Variants in CHD5 observed in about 807,000 individuals in gnomAD.
CHD5 encodes the protein ATP-dependent chromatin remodeler CHD5.
Under a neutral mutation model 230.3 loss-of-function variants are expected in CHD5, and 69 were observed. The observed-to-expected ratio is 0.30, with a 90% CI of 0.25 to 0.37. The LOEUF is 0.37. Among genes scored for constraint, CHD5 ranks in the 10% least tolerant of loss-of-function variants. The pLI is 1.00. For missense variants in CHD5, 1,827 were observed against 2,622.8 expected (o/e 0.70, Z 6.63); for synonymous variants, 1,064 against 1,065.9 (o/e 1.00, Z 0.03).
At position 6,128,277 on chromosome 1, in the gene CHD5, C is replaced by G; in HGVS notation, c.3731-59G>C. The G allele has an allele frequency of 6.5e-7, 1 of 1,545,674 alleles. No individual in the cohort carries two copies. Among genetic ancestry groups the G allele is most frequent in the South Asian group, 1.2e-5 (1 of 85,964 alleles). ...GACTGCCCTGGTCCAGCCCCGGGGT[C>G]CCAGGAACAGACTCCCAACAATGGC... On this transcript the variant is annotated intron_variant, in intron 24 of 41. Transcript: ENST00000262450. This position sits in a 1 kb window ranked among gnomAD's most constrained non-coding sequence, Gnocchi z 7.8.
chr1:6,146,913 G>GCT lies in CHD5; in HGVS notation c.1384-43_1384-42insAG. ...GTCCCCAAGGTGGGGCTCAGCTGCA[G>GCT]GGCCCCACCCTGAGGCTCCCATGAC... On this transcript the variant is annotated intron_variant, in intron 9 of 41. Coordinates refer to ENST00000262450, the MANE Select transcript of CHD5 (RefSeq NM_015557.3). This position sits in a 1 kb window ranked among gnomAD's most constrained non-coding sequence, Gnocchi z 5.1. 1.4e-6 allele frequency: 2 copies of GCT among 1,423,836 alleles called. No individual in the cohort carries two copies. The highest frequency in any genetic ancestry group is 1.9e-6 in the Non-Finnish European group (2 of 1,074,078). 88.2% of individuals were successfully genotyped at this position (1,423,836 alleles called of 1,614,324 possible). A position where few individuals can be genotyped will look rare whatever the true frequency, so the allele number is the denominator to read the frequency against.
At position 6,121,068 on chromosome 1, in the gene CHD5, A is replaced by C. The variant is rs1313535588; in HGVS notation, c.4912+37T>G. On this transcript the variant is annotated intron_variant, in intron 33 of 41. Coordinates refer to ENST00000262450, the MANE Select transcript of CHD5 (RefSeq NM_015557.3). This position sits in a 1 kb window ranked among gnomAD's most constrained non-coding sequence, Gnocchi z 4.5. ...GAACCCAGGCCTGCTGAGGCCAGAC[A>C]TGGCACTGGGGTGGGTGGCCTGCAA... 6.5e-7 allele frequency: 1 copy of C among 1,543,850 alleles called. No individual in the cohort carries two copies. The highest frequency in any genetic ancestry group is 8.7e-7 in the Non-Finnish European group (1 of 1,149,236).
rs1348931135 is a variant in CHD5 at position 6,112,215 on chromosome 1, C to T, written c.5065G>A (p.Asp1689Asn). ...ETQQNGDKEE[D>N]DEGKKEDKKG... ...TTGTCCTCCTTCTTCCCCTCGTCAT[C>T]TTCCTCTTTGTCACCATTTTGCTGT... The change falls in exon 35 of 42, where the codon GAT (aspartate) becomes AAT (asparagine). Residue 1689 changes from aspartate to asparagine, a missense_variant. Physicochemically the swap from Asp to Asn is conservative, Grantham distance 23 (BLOSUM62 1). Coordinates refer to ENST00000262450, the MANE Select transcript of CHD5 (RefSeq NM_015557.3). 4.3e-6 allele frequency: 7 copies of T among 1,614,050 alleles called. No individual in the cohort carries two copies. Among genetic ancestry groups the T allele is most frequent in the Non-Finnish European group, 5.9e-6 (7 of 1,180,034 alleles).
chr1:6,159,720 G>A (rs923700039), intron 2 of CHD5, among the ~76,000 whole-genome samples: 1 of 152,242 alleles, frequency 6.6e-6, no homozygotes, highest in Non-Finnish European at 1.5e-5. Context: ...CCTGAGCCAA[G>A]TCTTGTCCCC....
chr1:6,173,058 C>A (rs1667363201), intron 1 of CHD5, among the ~76,000 whole-genome samples: 1 of 151,734 alleles, frequency 6.6e-6, no homozygotes, highest in African/African-American at 2.4e-5. Flanking sequence ...GGACAGGGAC[C>A]CCACTCAATG....
chr1:6,127,769 G>T (rs1666583896), intron 25 of CHD5, among the ~76,000 whole-genome samples: 1 of 152,216 alleles, frequency 6.6e-6, no homozygotes, highest in African/African-American at 2.4e-5. Context: ...CGCTGCCTCC[G>T]TCCCTTCCCT....
intron 1 of CHD5, among the ~76,000 whole-genome samples, chr1:6,178,321 A>C (rs931016925): frequency 6.6e-6 from 1 of 152,048 alleles, no homozygotes; most frequent in Admixed American, 6.5e-5. Flanking sequence ...CTAAGTCCCC[A>C]CATAGTCAGA....
chr1:6,136,968 A>C, intron 15 of CHD5, 103 bp from the exon 16 acceptor site: 1 of 1,297,616 alleles, frequency 7.7e-7, no homozygotes, highest in Non-Finnish European at 1.0e-6. Flanking sequence ...GGAACCCACA[A>C]AGGCTCCACG....
chr1:6,142,047 C>A lies in CHD5; in HGVS notation c.2436+81G>T. The A allele has an allele frequency of 7.6e-7, 1 of 1,319,212 alleles. No individual in the cohort carries two copies. The highest frequency in any genetic ancestry group is 1.1e-6 in the Non-Finnish European group (1 of 921,614). 81.7% of individuals were successfully genotyped at this position (1,319,212 alleles called of 1,614,324 possible). A position where few individuals can be genotyped will look rare whatever the true frequency, so the allele number is the denominator to read the frequency against. On this transcript the variant is annotated intron_variant, in intron 15 of 41. Transcript: ENST00000262450. This position sits in a 1 kb window ranked among gnomAD's most constrained non-coding sequence, Gnocchi z 5.2. Reference sequence around the variant, plus strand: ...GTAGCCCTCCCAGGCTGAGGGACCCCAAAGGAGTGCACGGCACCCGTGGTC... The same window carrying A: ...GTAGCCCTCCCAGGCTGAGGGACCCAAAAGGAGTGCACGGCACCCGTGGTC...
At chr1:6,118,368 G>A (rs1045031970) in intron 33 of CHD5, among the ~76,000 whole-genome samples, 3 of 108,808 alleles carry the variant, frequency 2.8e-5, no homozygotes, top group East Asian at 5.7e-4. Context: ...GATAGAGCAA[G>A]ACCCTGTCTC....
chr1:6,149,320 T>G lies in CHD5; in HGVS notation c.1087A>C (p.Arg363=), dbSNP rs1255759697. 1 of 1,612,782 alleles carries G rather than the reference T, an allele frequency of 6.2e-7. No individual in the cohort carries two copies. The highest frequency in any genetic ancestry group is 1.1e-5 in the South Asian group (1 of 90,910). ...TCCAGGCATACGAGATGGTAGGCCC[T>G]CGGGCAGGTGTCGCACAGGATGATC... The part of the protein sequence containing the change: ...GEIILCDTCP[R]AYHLVCLDPE... The change falls in exon 8 of 42, where the codon AGG becomes CGG. Residue 363 remains arginine, a synonymous_variant. Coordinates refer to ENST00000262450, the MANE Select transcript of CHD5 (RefSeq NM_015557.3).
chr1:6,155,866 G>T lies in CHD5; in HGVS notation c.388-149C>A. 1 of 630,676 alleles carries T rather than the reference G, an allele frequency of 1.6e-6. No individual in the cohort carries two copies. The highest frequency in any genetic ancestry group is 1.9e-5 in the South Asian group (1 of 53,248). 39.1% of individuals were successfully genotyped at this position (630,676 alleles called of 1,614,324 possible). ...AACCAGACCATTCTCACCCACCCTAGGAAACATTCAAGCCCTGCAGCCCCG... is the reference window on the plus strand; with the variant it reads ...AACCAGACCATTCTCACCCACCCTATGAAACATTCAAGCCCTGCAGCCCCG... On this transcript the variant is annotated intron_variant, in intron 3 of 41. Transcript: ENST00000262450. The surrounding 1 kb of genome is among the most constrained non-coding windows in gnomAD (Gnocchi z 4.0).
intron 1 of CHD5, among the ~76,000 whole-genome samples, chr1:6,174,898 T>TGGTG (rs1007620681): frequency 1.4e-5 from 2 of 143,150 alleles, no homozygotes; most frequent in African/African-American, 5.4e-5. Flanking sequence ...GATGGATAGA[T>TGGTG]GGTGGGTGGG....
At chr1:6,173,838 C>G (rs1050635219) in intron 1 of CHD5, among the ~76,000 whole-genome samples, 7 of 152,216 alleles carry the variant, frequency 4.6e-5, no homozygotes, top group Non-Finnish European at 7.3e-5. Flanking sequence ...CGAACCTCCC[C>G]CCATGAGACA....
rs1029259650 is a variant in CHD5 at position 6,126,454 on chromosome 1, C to T, written c.4078+118G>A. 16 of 660,326 alleles carry T rather than the reference C, an allele frequency of 2.4e-5. No individual in the cohort carries two copies. Among genetic ancestry groups the T allele is most frequent in the Non-Finnish European group, 3.8e-5 (14 of 368,540 alleles). 40.9% of individuals were successfully genotyped at this position (660,326 alleles called of 1,614,324 possible). A position where few individuals can be genotyped will look rare whatever the true frequency, so the allele number is the denominator to read the frequency against. On this transcript the variant is annotated intron_variant, in intron 26 of 41. Transcript: ENST00000262450. This position sits in a 1 kb window ranked among gnomAD's most constrained non-coding sequence, Gnocchi z 5.7. The stretch of plus-strand genomic sequence containing the variant: ...GGACACCCATCCCTCCTGGCACACT[C>T]GCCCAGCTCTCCCGGCCCGCACCTC...
intron 1 of CHD5, among the ~76,000 whole-genome samples, chr1:6,174,923 G>A (rs1667398481): frequency 6.9e-6 from 1 of 144,582 alleles, no homozygotes; most frequent in South Asian, 2.3e-4. Flanking sequence ...TGGATGGATG[G>A]TGGATGAAGG....
chr1:6,117,049 G>C (rs920755553), intron 33 of CHD5, among the ~76,000 whole-genome samples: 5 of 152,120 alleles, frequency 3.3e-5, no homozygotes, highest in African/African-American at 1.2e-4. Context: ...AAAATGTTAA[G>C]AGTACAGAAT....
chr1:6,148,768 T>C, intron 9 of CHD5, 86 bp downstream of exon 9: 4 of 1,158,600 alleles, frequency 3.5e-6, no homozygotes, highest in Non-Finnish European at 4.5e-6. Flanking sequence ...GCGGGGCCTT[T>C]TGAGGAGGGC....
rs542181875 is a variant in CHD5 at position 6,167,999 on chromosome 1, G to A, written c.207+151C>T. 2.7e-5 allele frequency: 26 copies of A among 947,942 alleles called. No individual in the cohort carries two copies. The highest frequency in any genetic ancestry group is 2.2e-4 in the South Asian group (11 of 50,696). 58.7% of individuals were successfully genotyped at this position (947,942 alleles called of 1,614,324 possible). A position where few individuals can be genotyped will look rare whatever the true frequency, so the allele number is the denominator to read the frequency against. On this transcript the variant is annotated intron_variant, in intron 2 of 41. Transcript: ENST00000262450. This position sits in a 1 kb window ranked among gnomAD's most constrained non-coding sequence, Gnocchi z 4.5. ...GGCTTCCGTGCACAACGCTTCATAC[G>A]AGAAACTGGTTATGGTGTTTTTCAT...
Sources: allele counts gnomAD v4.1 joint callset (sites outside exome capture counted in the v4.1 genomes callset), GRCh38; gene constraint gnomAD v4.1.1; non-coding constraint Gnocchi (gnomAD v3.1); transcripts MANE v1.5; gene names NCBI Gene and HGNC (gene_info 2026-07-23, HGNC 2026-07-21).